Variants in DLC1 observed in about 807,000 individuals in gnomAD.
DLC1 encodes the protein rho GTPase-activating protein 7.
A neutral mutation model predicts 140.3 loss-of-function variants in DLC1; 54 were observed. That is an observed-to-expected ratio of 0.38 (90% CI 0.31 to 0.48). The LOEUF is 0.48. Ranked by LOEUF, DLC1 falls within the 20% of genes least tolerant of loss-of-function variation. DLC1 has a pLI of 0.96. For missense variants in DLC1, 2,536 were observed against 1,907.0 expected (o/e 1.33, Z -6.14); for synonymous variants, 986 against 728.1 (o/e 1.35, Z -5.70).
chr8:13,222,605 G>C (rs9692960), intron 5 of DLC1, among the ~76,000 whole-genome samples: 2,337 of 152,212 alleles, frequency 0.015, 68 homozygotes, highest in African/African-American at 0.054. Context: ...CAGCACTCTT[G>C]CTTCTCACCA....
At chr8:13,399,164 C>G (rs1477268130) in intron 3 of DLC1, among the ~76,000 whole-genome samples, 1 of 152,108 alleles carries the variant, frequency 6.6e-6, no homozygotes, top group East Asian at 1.9e-4. Context: ...TACACATTGA[C>G]TAGAAAACTA....
intron 5 of DLC1, among the ~76,000 whole-genome samples, chr8:13,193,287 C>G (rs1488520667): frequency 6.6e-6 from 1 of 152,090 alleles, no homozygotes; most frequent in African/African-American, 2.4e-5. Context: ...GTTTTGAAGC[C>G]TATCAGGGAC....
chr8:13,350,011 C>G (rs1834562752), intron 4 of DLC1, among the ~76,000 whole-genome samples: 1 of 152,104 alleles, frequency 6.6e-6, no homozygotes, highest in African/African-American at 2.4e-5. Flanking sequence ...GAATTAAGTC[C>G]TTTAGTCTGT....
intron 5 of DLC1, among the ~76,000 whole-genome samples, chr8:13,159,710 A>G (rs952404452): frequency 1.3e-5 from 2 of 152,110 alleles, no homozygotes; most frequent in African/African-American, 2.4e-5. Flanking sequence ...TCCAGGGCAA[A>G]GTCTGTCTCC....
At chr8:13,404,130 C>G (rs1837421465) in intron 2 of DLC1, among the ~76,000 whole-genome samples, 1 of 151,950 alleles carries the variant, frequency 6.6e-6, no homozygotes, top group South Asian at 2.1e-4. Flanking sequence ...ATTACAAGAC[C>G]TCATACATTT....
At chr8:13,156,122 A>G (rs1824235323) in intron 5 of DLC1, among the ~76,000 whole-genome samples, 1 of 152,172 alleles carries the variant, frequency 6.6e-6, no homozygotes, top group South Asian at 2.1e-4. Flanking sequence ...TGGCGACAGT[A>G]TTCAAGATTA....
rs116162865 is a variant in DLC1 at position 13,585,361 on chromosome 8, C to G, written c.-126+19176G>C. Among the ~76,000 whole-genome samples, 252 of 151,866 alleles carry G rather than the reference C, an allele frequency of 1.7e-3. 1 individual carries two copies. The highest frequency in any genetic ancestry group is 5.9e-3 in the African/African-American group (242 of 41,362). On this transcript the variant is annotated intron_variant, in intron 1 of 1. Transcript: ENST00000631382. ...AAAGGATTGCTTGATGCTAGAAGATCAAGACCAGACTAGGAAACATAGCAA... is the reference window on the plus strand; with the variant it reads ...AAAGGATTGCTTGATGCTAGAAGATGAAGACCAGACTAGGAAACATAGCAA...
At chr8:13,350,648 G>A (rs570848796) in intron 4 of DLC1, among the ~76,000 whole-genome samples, 1 of 152,036 alleles carries the variant, frequency 6.6e-6, no homozygotes, top group Admixed American at 6.6e-5. Flanking sequence ...CCAGGGAGGC[G>A]GAGGTTGCAG....
At chr8:13,376,758 G>A (rs1836009711) in intron 4 of DLC1, among the ~76,000 whole-genome samples, 1 of 152,184 alleles carries the variant, frequency 6.6e-6, no homozygotes, top group Non-Finnish European at 1.5e-5. Context: ...TTCACCCACA[G>A]AGGAGTTAGA....
At chr8:13,565,769 G>A (rs1804407705) in intron 1 of DLC1, among the ~76,000 whole-genome samples, 1 of 152,128 alleles carries the variant, frequency 6.6e-6, no homozygotes, top group Admixed American at 6.5e-5. Context: ...CATTGACTAA[G>A]TCCTAGACTC....
At chr8:13,433,157 C>T (rs913777008) in intron 2 of DLC1, among the ~76,000 whole-genome samples, 4 of 151,940 alleles carry the variant, frequency 2.6e-5, no homozygotes, top group African/African-American at 9.7e-5. Flanking sequence ...ATTCCTATTC[C>T]ATGAAGCCTA....
chr8:13,209,151 G>C (rs1184259860), intron 5 of DLC1, among the ~76,000 whole-genome samples: 2 of 152,090 alleles, frequency 1.3e-5, no homozygotes, highest in African/African-American at 4.8e-5. Flanking sequence ...TTTTCACCAA[G>C]GCTACAGGAA....
chr8:13,365,459 C>T (rs939448108), intron 4 of DLC1, among the ~76,000 whole-genome samples: 1 of 152,040 alleles, frequency 6.6e-6, no homozygotes, highest in Non-Finnish European at 1.5e-5. Context: ...GTCAGGTGAC[C>T]CTGTGCCTTT....
intron 5 of DLC1, among the ~76,000 whole-genome samples, chr8:13,120,356 A>AAAAAAATATAT: frequency 4.9e-5 from 3 of 61,122 alleles, no homozygotes; most frequent in African/African-American, 1.2e-4. Flanking sequence ...AAAAAAAAAA[A>AAAAAAATATAT]ATATATATAT....
chr8:13,427,994 A>G (rs2117378409), intron 2 of DLC1, among the ~76,000 whole-genome samples: 1 of 152,294 alleles, frequency 6.6e-6, no homozygotes, highest in Non-Finnish European at 1.5e-5. Flanking sequence ...GTTTGCTTGC[A>G]GAGAGACAAC....
intron 1 of DLC1, among the ~76,000 whole-genome samples, chr8:13,529,712 C>G (rs943588197): frequency 6.6e-6 from 1 of 152,150 alleles, no homozygotes; most frequent in African/African-American, 2.4e-5. Flanking sequence ...AAAAAGGGAG[C>G]ACCTATCCTT....
At chr8:13,404,832 T>C (rs1837452602) in intron 2 of DLC1, among the ~76,000 whole-genome samples, 1 of 152,030 alleles carries the variant, frequency 6.6e-6, no homozygotes, top group South Asian at 2.1e-4. Context: ...ACCCCATCTC[T>C]GCTAAAAATA....
chr8:13,167,587 C>T (rs1468751304), intron 5 of DLC1, among the ~76,000 whole-genome samples: 4 of 152,040 alleles, frequency 2.6e-5, no homozygotes, highest in South Asian at 2.1e-4. Context: ...AGTACAGATC[C>T]CGGAAAGAGC....
intron 2 of DLC1, among the ~76,000 whole-genome samples, chr8:13,449,384 A>G (rs180689409): frequency 1.2e-3 from 180 of 152,314 alleles, no homozygotes; most frequent in African/African-American, 3.6e-3. Context: ...ATGAGGGATA[A>G]TTACCTCTTT....
Sources: allele counts gnomAD v4.1 joint callset (sites outside exome capture counted in the v4.1 genomes callset), GRCh38; gene constraint gnomAD v4.1.1; transcripts MANE v1.5; gene names NCBI Gene and HGNC (gene_info 2026-07-23, HGNC 2026-07-21).